The following PTBP2 variants were observed in gnomAD, a reference collection of about 807,000 sequenced individuals.
PTBP2 encodes the protein polypyrimidine tract-binding protein 2.
In PTBP2, 13 loss-of-function variants were observed where a neutral mutation model predicts 61.4. The observed-to-expected ratio is 0.21, with a 90% CI of 0.14 to 0.34. The LOEUF is 0.34. Among genes scored for constraint, PTBP2 ranks in the 10% least tolerant of loss-of-function variants. The pLI is 1.00. For missense variants in PTBP2, 405 were observed against 642.6 expected, an observed-to-expected ratio of 0.63 and a Z score of 4.00; for synonymous variants, 215 against 218.5, an observed-to-expected ratio of 0.98 and a Z score of 0.14.
At chr1:96,811,022 A>G (rs752608777) in intron 11 of PTBP2, among the ~76,000 whole-genome samples, 34 of 152,070 alleles carry the variant, frequency 2.2e-4, no homozygotes, top group Admixed American at 1.5e-3. Flanking sequence ...CTTAAAATAT[A>G]TAACACTGGA....
chr1:96,728,829 T>TTC (rs1650958765), intron 2 of PTBP2, among the ~76,000 whole-genome samples: 2 of 151,994 alleles, frequency 1.3e-5, no homozygotes, highest in African/African-American at 2.4e-5. Flanking sequence ...TTTTTTTTTT[T>TTC]TTCAGTGCAC....
chr1:96,751,541 AG>A (rs1205678015), intron 3 of PTBP2, 41 bp downstream of exon 3: 1 of 1,468,118 alleles, frequency 6.8e-7, no homozygotes, highest in Non-Finnish European at 9.4e-7. Context: ...TTGCCATTTT[AG>A]GGGGCAGAAT....
chr1:96,777,232 A>G (rs1438430087), intron 5 of PTBP2, among the ~76,000 whole-genome samples: 2 of 152,156 alleles, frequency 1.3e-5, no homozygotes, highest in Non-Finnish European at 2.9e-5. Flanking sequence ...GGAGTGATTA[A>G]TGTTAAAGTT....
intron 8 of PTBP2, among the ~76,000 whole-genome samples, chr1:96,792,696 A>G (rs530107972): frequency 5.0e-5 from 7 of 141,166 alleles, no homozygotes; most frequent in Non-Finnish European, 7.6e-5. Context: ...TTGTTCATGC[A>G]TTGATTCAAA....
intron 2 of PTBP2, among the ~76,000 whole-genome samples, chr1:96,727,547 C>T (rs576896321): frequency 1.3e-5 from 2 of 152,172 alleles, no homozygotes; most frequent in East Asian, 1.9e-4. Context: ...TCCACATCCT[C>T]TTTAATGCCT....
intron 2 of PTBP2, among the ~76,000 whole-genome samples, chr1:96,733,608 C>G (rs774817327): frequency 2.6e-5 from 4 of 151,980 alleles, no homozygotes; most frequent in East Asian, 1.9e-4. Context: ...TGAGCCCAGG[C>G]GGCAGTGAGC....
chr1:96,742,738 G>A (rs973982029), intron 2 of PTBP2, among the ~76,000 whole-genome samples: 30 of 148,804 alleles, frequency 2.0e-4, no homozygotes, highest in African/African-American at 7.0e-4. Context: ...CTACACAAAA[G>A]TAGAGGGAAT....
At chr1:96,807,072 C>T (rs1661562977) in intron 11 of PTBP2, 114 bp downstream of exon 11, 5 of 724,044 alleles carry the variant, frequency 6.9e-6, no homozygotes, top group Admixed American at 3.5e-5. Context: ...ATTTTAATGG[C>T]CAGGGCTCAA....
At position 96,767,970 on chromosome 1, in the gene PTBP2, A is replaced by G. The variant is rs549398993; in HGVS notation, c.116-1733A>G. Among the ~76,000 whole-genome samples the G allele has an allele frequency of 3.3e-5, 5 of 152,228 alleles. No homozygotes were observed. The South Asian group carries it at 1.0e-3, about 32-fold the overall frequency. ...ACAACCTAAGGGGATTTTTAAATGC[A>G]TTGGCTTGCCGTTCAAGTATATAAA... On this transcript the variant is annotated intron_variant, in intron 3 of 13. Coordinates refer to ENST00000674951, the MANE Select transcript of PTBP2 (RefSeq NM_021190.4).
intron 8 of PTBP2, among the ~76,000 whole-genome samples, chr1:96,796,098 A>G (rs1660353546): frequency 6.6e-6 from 1 of 152,142 alleles, no homozygotes; most frequent in African/African-American, 2.4e-5. Flanking sequence ...TTAAATATAG[A>G]GATGCTTTTT....
chr1:96,741,734 A>G (rs2100857905), intron 2 of PTBP2, among the ~76,000 whole-genome samples: 1 of 152,286 alleles, frequency 6.6e-6, no homozygotes, highest in East Asian at 1.9e-4. Context: ...AAGTTTTAAA[A>G]TTTTGATTTT....
chr1:96,760,625 T>A lies in PTBP2; in HGVS notation c.116-9078T>A, dbSNP rs1043535879. Among the ~76,000 whole-genome samples the A allele has an allele frequency of 3.9e-5, 6 of 152,012 alleles. No homozygotes were observed. The South Asian group carries it at 1.2e-3, about 32-fold the overall frequency. The stretch of plus-strand genomic sequence containing the variant: ...CACACCCGGCTAATTTTTTGTATTT[T>A]TAGTAGAGACTGGGTTTCGCCATGT... On this transcript the variant is annotated intron_variant, in intron 3 of 13. Coordinates refer to ENST00000674951, the MANE Select transcript of PTBP2 (RefSeq NM_021190.4).
chr1:96,762,240 T>TTGGG (rs1655983390), intron 3 of PTBP2, among the ~76,000 whole-genome samples: 1 of 150,746 alleles, frequency 6.6e-6, no homozygotes, highest in African/African-American at 2.5e-5. Flanking sequence ...CAATGAGCTG[T>TTGGG]TGGGTACACC....
intron 3 of PTBP2, among the ~76,000 whole-genome samples, chr1:96,759,608 A>T (rs1301164841): frequency 1.3e-5 from 2 of 152,230 alleles, no homozygotes. Flanking sequence ...CATAGGATAT[A>T]CTTGCAACTT....
At chr1:96,765,726 A>AGATAGATAGATAGATAGATG (rs1656616435) in intron 3 of PTBP2, among the ~76,000 whole-genome samples, 5 of 151,764 alleles carry the variant, frequency 3.3e-5, no homozygotes, top group Non-Finnish European at 7.4e-5. Context: ...ATAGATAGAT[A>AGATAGATAGATAGATAGATG]GATAGATAGA....
At chr1:96,749,019 C>G (rs1271643808) in intron 2 of PTBP2, among the ~76,000 whole-genome samples, 1 of 151,966 alleles carries the variant, frequency 6.6e-6, no homozygotes, top group Non-Finnish European at 1.5e-5. Flanking sequence ...TGACGTTATT[C>G]TCAGTAATGA....
chr1:96,762,402 C>T (rs1380675956), intron 3 of PTBP2, among the ~76,000 whole-genome samples: 1 of 148,718 alleles, frequency 6.7e-6, no homozygotes, highest in African/African-American at 2.5e-5. Flanking sequence ...GGGGCTGACC[C>T]CCCCACCTCC....
downstream of PTBP2, chr1:96,816,093 T>A (rs1196888324): frequency 6.6e-6 from 1 of 152,200 alleles, no homozygotes; most frequent in Non-Finnish European, 1.5e-5. Context: ...TTTGTGCCAG[T>A]TGCTAAGCTG....
intron 2 of PTBP2, among the ~76,000 whole-genome samples, chr1:96,740,692 G>A (rs1356591197): frequency 6.6e-6 from 1 of 151,700 alleles, no homozygotes; most frequent in African/African-American, 2.4e-5. Flanking sequence ...AGCAATATAT[G>A]GTTTTGTTTT....
Sources: gnomAD v4.1 joint callset for allele counts (sites outside exome capture counted in the v4.1 genomes callset) on GRCh38, gnomAD v4.1.1 for gene constraint, MANE v1.5 for transcripts, NCBI Gene and HGNC (gene_info 2026-07-23, HGNC 2026-07-21) for gene names.